The following PUM1 variants were observed in gnomAD, a reference collection of about 807,000 sequenced individuals.
PUM1 encodes the protein pumilio RNA binding family member 1.
Under a neutral mutation model 131.8 loss-of-function variants are expected in PUM1, and 13 were observed. That is an observed-to-expected ratio of 0.10 (90% CI 0.06 to 0.16). PUM1 has a LOEUF of 0.16. Among genes scored for constraint, PUM1 ranks in the 10% least tolerant of loss-of-function variants. The probability of loss-of-function intolerance (pLI) is 1.00; values close to 1 mark genes in which losing one functional copy is unlikely to be tolerated. For synonymous variants in PUM1, 509 were observed against 556.5 expected (o/e 0.91, Z 1.20); for missense variants, 961 against 1,512.4 (o/e 0.64, Z 6.05).
rs140411569 is a variant in PUM1 at position 31,047,167 on chromosome 1, C to T, written c.363+12037G>A. ...TTGCACCATTGCACTCCAGCCTAGGCGACAGATAGAGACCCAATCTCAAAA... is the reference window on the plus strand; with the variant it reads ...TTGCACCATTGCACTCCAGCCTAGGTGACAGATAGAGACCCAATCTCAAAA... On this transcript the variant is annotated intron_variant, in intron 2 of 21. Coordinates refer to ENST00000426105, the MANE Select transcript of PUM1 (RefSeq NM_001020658.2). Among the ~76,000 whole-genome samples the T allele has an allele frequency of 4.7e-3, 721 of 152,120 alleles. 5 individuals carry two copies. The highest frequency in any genetic ancestry group is 0.016 in the African/African-American group (660 of 41,504).
At chr1:31,010,942 G>A (rs1175321045) in intron 3 of PUM1, among the ~76,000 whole-genome samples, 1 of 152,160 alleles carries the variant, frequency 6.6e-6, no homozygotes, top group African/African-American at 2.4e-5. Context: ...GGTGAGGCCA[G>A]GAGTCTAAGA....
At chr1:30,944,016 G>A (rs1047063636) in intron 18 of PUM1, among the ~76,000 whole-genome samples, 1 of 152,004 alleles carries the variant, frequency 6.6e-6, no homozygotes, top group South Asian at 2.1e-4. Context: ...TTTGACCGTC[G>A]CATCTTGAAA....
At chr1:30,959,737 C>G (rs1259945118) in intron 14 of PUM1, among the ~76,000 whole-genome samples, 3 of 151,906 alleles carry the variant, frequency 2.0e-5, no homozygotes, top group African/African-American at 7.3e-5. Context: ...GAAACCCCAT[C>G]TCTACAAAAA....
Position 30,992,571 on chromosome 1 carries a change from G to A in PUM1, c.977C>T (p.Thr326Ile). 6.2e-7 allele frequency: 1 copy of A among 1,614,218 alleles called. No homozygotes were observed. The highest frequency in any genetic ancestry group is 8.5e-7 in the Non-Finnish European group (1 of 1,180,026). Residue 326 changes from threonine (T) to isoleucine (I), a missense_variant, in exon 7 of 22, where the codon ACC becomes ATC. This residue lies in a region of PUM1 where 654 missense variants were observed against 923.9 expected (regional missense o/e 0.71). Coordinates refer to ENST00000426105, the MANE Select transcript of PUM1 (RefSeq NM_001020658.2). Reference protein sequence around the residue: ...QNGSEGLAQLTSTNGAKPVED... With the variant: ...QNGSEGLAQLISTNGAKPVED... Reference sequence around the variant, plus strand: ...CACAGGCTTGGCACCATTGGTGCTGGTCAGCTGGGCTAAGCCCTCAGAACC... The same window carrying A: ...CACAGGCTTGGCACCATTGGTGCTGATCAGCTGGGCTAAGCCCTCAGAACC...
At chr1:31,035,704 T>C (rs767211361) in intron 2 of PUM1, among the ~76,000 whole-genome samples, 3 of 151,528 alleles carry the variant, frequency 2.0e-5, no homozygotes, top group South Asian at 2.1e-4. Flanking sequence ...TGAACCGAGA[T>C]AGCGCCACTG....
chr1:30,945,690 A>G (rs1418467207), intron 17 of PUM1, among the ~76,000 whole-genome samples: 1 of 151,746 alleles, frequency 6.6e-6, no homozygotes, highest in Non-Finnish European at 1.5e-5. Flanking sequence ...AAAATTTCCA[A>G]CAATAAATTT....
chr1:31,007,936 A>G (rs1014141623), intron 3 of PUM1, among the ~76,000 whole-genome samples: 3 of 152,222 alleles, frequency 2.0e-5, no homozygotes, highest in African/African-American at 7.2e-5. Context: ...ACAGAACTCT[A>G]TCATTCTTGG....
chr1:30,973,597 A>ACTAGGT (rs1641017823), intron 10 of PUM1, among the ~76,000 whole-genome samples: 1 of 152,254 alleles, frequency 6.6e-6, no homozygotes, highest in Non-Finnish European at 1.5e-5. Context: ...AATGTCATTT[A>ACTAGGT]AAAGAACACT....
intron 7 of PUM1, among the ~76,000 whole-genome samples, chr1:30,987,031 G>A (rs1641589087): frequency 1.3e-5 from 2 of 152,022 alleles, no homozygotes; most frequent in Admixed American, 1.3e-4. Context: ...CTTAACAGAT[G>A]AGTTTTAGTA....
chr1:31,008,100 G>C (rs1642459813), intron 3 of PUM1, among the ~76,000 whole-genome samples: 1 of 152,086 alleles, frequency 6.6e-6, no homozygotes, highest in South Asian at 2.1e-4. Flanking sequence ...TTTCTCAGAA[G>C]AACACAATAA....
intron 9 of PUM1, among the ~76,000 whole-genome samples, chr1:30,975,160 A>G (rs1177784503): frequency 6.6e-6 from 1 of 152,190 alleles, no homozygotes; most frequent in Admixed American, 6.5e-5. Context: ...TTGCGTGCTT[A>G]AAGTGATGGA....
intron 15 of PUM1, 110 bp from the exon 16 acceptor site, chr1:30,952,473 T>C (rs1639973815): frequency 1.7e-5 from 26 of 1,533,792 alleles, no homozygotes; most frequent in Non-Finnish European, 2.2e-5. Flanking sequence ...TGAGTGAGCA[T>C]GTGTGCACAC....
intron 6 of PUM1, among the ~76,000 whole-genome samples, chr1:30,994,472 C>T (rs186690852): frequency 3.9e-5 from 6 of 152,254 alleles, no homozygotes; most frequent in East Asian, 1.9e-4. Context: ...AAAACCTGTA[C>T]ATTAATCATG....
chr1:31,044,344 G>A (rs1462439322), intron 2 of PUM1, among the ~76,000 whole-genome samples: 9 of 152,180 alleles, frequency 5.9e-5, no homozygotes, highest in Non-Finnish European at 8.8e-5. Flanking sequence ...GGAGCCTGCA[G>A]TGAGCTGAGA....
intron 17 of PUM1, among the ~76,000 whole-genome samples, chr1:30,945,869 T>A (rs537453432): frequency 6.6e-6 from 1 of 152,180 alleles, no homozygotes; most frequent in Non-Finnish European, 1.5e-5. Flanking sequence ...CACTGCAACC[T>A]CCGCCTCCCA....
At chr1:30,961,430 G>A (rs1396203394) in intron 14 of PUM1, among the ~76,000 whole-genome samples, 1 of 151,920 alleles carries the variant, frequency 6.6e-6, no homozygotes, top group Non-Finnish European at 1.5e-5. Context: ...AAGCTGGGGT[G>A]GAAAGATCCT....
At position 31,038,955 on chromosome 1, in the gene PUM1, ATT is replaced by A. The variant is rs1491512059; in HGVS notation, c.364-10093_364-10092del. Among the ~76,000 whole-genome samples, 352 of 53,956 alleles carry A rather than the reference ATT, an allele frequency of 6.5e-3. 14 individuals are homozygous for A. Among genetic ancestry groups the A allele is most frequent in the Admixed American group, 0.011 (61 of 5,482 alleles). 35.4% of individuals were successfully genotyped at this position (53,956 alleles called of 152,430 possible). Reference sequence around the variant, plus strand: ...ATATAGCCATTTAAAATGTTTTAAAATTTTATATATATATATATATATATATA... The same window carrying A: ...ATATAGCCATTTAAAATGTTTTAAAATTATATATATATATATATATATATA... On this transcript the variant is annotated intron_variant, in intron 2 of 21. Transcript: ENST00000426105.
chr1:31,008,440 C>T (rs1187580276), intron 3 of PUM1, among the ~76,000 whole-genome samples: 1 of 151,874 alleles, frequency 6.6e-6, no homozygotes, highest in Non-Finnish European at 1.5e-5. Flanking sequence ...TGCACAGATA[C>T]CTAAGTTTCC....
At chr1:30,997,823 G>T (rs1292124517) in intron 5 of PUM1, among the ~76,000 whole-genome samples, 1 of 151,556 alleles carries the variant, frequency 6.6e-6, no homozygotes, top group African/African-American at 2.4e-5. Context: ...TCCTGCCTCA[G>T]CCTCCCCAGT....
Sources: gnomAD v4.1 joint callset for allele counts (sites outside exome capture counted in the v4.1 genomes callset) on GRCh38, gnomAD v4.1.1 for gene constraint, gnomAD v4.1.1 regional missense constraint, MANE v1.5 for transcripts, NCBI Gene and HGNC (gene_info 2026-07-23, HGNC 2026-07-21) for gene names.